The following MTCL1 variants were observed in gnomAD, a reference collection of about 807,000 sequenced individuals.
The protein encoded by MTCL1 is microtubule crosslinking factor 1.
A neutral mutation model predicts 141.4 loss-of-function variants in MTCL1; 79 were observed. The observed-to-expected ratio is 0.56, with a 90% CI of 0.47 to 0.67. The LOEUF is 0.67. MTCL1 is among the 30% of genes least tolerant of loss of function. MTCL1 has a pLI of 0.00. For missense variants in MTCL1, 2,177 were observed against 2,113.9 expected, an observed-to-expected ratio of 1.03 and a Z score of -0.59; for synonymous variants, 914 against 875.8, an observed-to-expected ratio of 1.04 and a Z score of -0.77.
intron 4 of MTCL1, among the ~76,000 whole-genome samples, chr18:8,769,504 A>C (rs2096475723): frequency 6.6e-6 from 1 of 152,222 alleles, no homozygotes; most frequent in Non-Finnish European, 1.5e-5. Context: ...TTTTTCCAAA[A>C]ACTAGGCTTC....
chr18:8,710,888 C>CTTTT (rs71356255), intron 1 of MTCL1, among the ~76,000 whole-genome samples: 34 of 80,920 alleles, frequency 4.2e-4, no homozygotes, highest in Middle Eastern at 9.8e-3. Flanking sequence ...TTTTTTTTTA[C>CTTTT]TTTTTTTTTT....
intron 4 of MTCL1, among the ~76,000 whole-genome samples, chr18:8,758,312 C>T (rs2096412947): frequency 6.6e-6 from 1 of 152,158 alleles, no homozygotes; most frequent in Admixed American, 6.5e-5. Flanking sequence ...CGTAAGCCAC[C>T]ACGCCTGGCC....
rs147547902 is a variant in MTCL1, at chr18:8,760,320, G to C, written c.358-17513G>C. ...CTTCTGAGCCTGTTCCCTCACACAG[G>C]AAATGAGAACAAGAGTCCCCACCTC... On this transcript the variant is annotated intron_variant, in intron 4 of 16. Transcript: ENST00000359865. Among the ~76,000 whole-genome samples the C allele has an allele frequency of 9.2e-5, 14 of 152,338 alleles. No individual in the cohort carries two copies. In the East Asian group the frequency reaches 2.5e-3, roughly 27 times the overall value.
At chr18:8,788,731 C>G (rs760179485) in intron 7 of MTCL1, among the ~76,000 whole-genome samples, 65 of 152,328 alleles carry the variant, frequency 4.3e-4, no homozygotes, top group Non-Finnish European at 7.6e-4. Flanking sequence ...AAGGGGCGGC[C>G]TCTCCAAGGC....
chr18:8,786,301 T>C (rs967251944), intron 7 of MTCL1: 23 of 708,334 alleles, frequency 3.2e-5, no homozygotes, highest in South Asian at 4.5e-5. Flanking sequence ...GCTGTGCTCG[T>C]CAGACAGAGG....
chr18:8,729,230 A>AT (rs1372628658), intron 4 of MTCL1, among the ~76,000 whole-genome samples: 1 of 127,464 alleles, frequency 7.8e-6, no homozygotes, highest in Non-Finnish European at 1.6e-5. Flanking sequence ...TAATTTCCGT[A>AT]TTTTTTGGAG....
At chr18:8,761,974 G>C (rs2096434761) in intron 4 of MTCL1, among the ~76,000 whole-genome samples, 1 of 152,156 alleles carries the variant, frequency 6.6e-6, no homozygotes, top group Non-Finnish European at 1.5e-5. Context: ...ATTTCACTTA[G>C]CATAATGTTT....
At chr18:8,742,570 A>G (rs2096310489) in intron 4 of MTCL1, among the ~76,000 whole-genome samples, 1 of 152,228 alleles carries the variant, frequency 6.6e-6, no homozygotes, top group Non-Finnish European at 1.5e-5. Flanking sequence ...CAAGAATAGT[A>G]TGGAGGAAAC....
intron 4 of MTCL1, among the ~76,000 whole-genome samples, chr18:8,756,501 GTGTGTA>G (rs2096401680): frequency 6.7e-6 from 1 of 148,884 alleles, no homozygotes; most frequent in African/African-American, 2.5e-5. Flanking sequence ...ATGTATATAT[GTGTGTA>G]TATATATGTG....
At chr18:8,736,302 A>G (rs539712915) in intron 4 of MTCL1, among the ~76,000 whole-genome samples, 1 of 151,678 alleles carries the variant, frequency 6.6e-6, no homozygotes, top group South Asian at 2.1e-4. Flanking sequence ...TCCTTGACTT[A>G]TCATGGGGTT....
intron 4 of MTCL1, among the ~76,000 whole-genome samples, chr18:8,736,887 G>A (rs961084463): frequency 2.0e-4 from 31 of 151,982 alleles, no homozygotes; most frequent in African/African-American, 7.0e-4. Flanking sequence ...TGATCTGCCC[G>A]CCACGGCCTC....
At chr18:8,819,256 T>C (rs2076762971) in exon 13 of MTCL1, 1 of 1,613,902 alleles carries the variant, frequency 6.2e-7, no homozygotes, top group Non-Finnish European at 8.5e-7. Flanking sequence ...ACCGCCTCCC[T>C]GAGGTCAGCC....
chr18:8,829,989 G>C, intron 16 of MTCL1: 1 of 985,462 alleles, frequency 1.0e-6, no homozygotes, highest in Non-Finnish European at 1.2e-6. Flanking sequence ...GGCGGAACGG[G>C]ATACGGTGGT....
intron 4 of MTCL1, among the ~76,000 whole-genome samples, chr18:8,768,457 G>A (rs1598570062): frequency 6.6e-6 from 1 of 152,144 alleles, no homozygotes; most frequent in Non-Finnish European, 1.5e-5. Flanking sequence ...CATACTTAAA[G>A]TCAAATCAGA....
intron 4 of MTCL1, among the ~76,000 whole-genome samples, chr18:8,725,194 T>C (rs2096200238): frequency 6.6e-6 from 1 of 152,108 alleles, no homozygotes; most frequent in African/African-American, 2.4e-5. Flanking sequence ...CGGGACTATA[T>C]ACATGTTCTA....
intron 1 of MTCL1, chr18:8,706,933 T>C: frequency 1.4e-6 from 1 of 689,730 alleles, no homozygotes; most frequent in Non-Finnish European, 2.3e-6. Flanking sequence ...CCCACTTCTC[T>C]TTTCTCGCGT....
intron 7 of MTCL1, among the ~76,000 whole-genome samples, chr18:8,792,627 G>A (rs1176018518): frequency 6.6e-6 from 1 of 152,240 alleles, no homozygotes; most frequent in East Asian, 1.9e-4. Flanking sequence ...GGTCATGCTT[G>A]CCTCGGTCAT....
intron 7 of MTCL1, among the ~76,000 whole-genome samples, chr18:8,791,147 G>A (rs1186018941): frequency 1.3e-5 from 2 of 152,194 alleles, no homozygotes; most frequent in African/African-American, 4.8e-5. Flanking sequence ...AACAGGAGAT[G>A]GGGCCTGGGC....
At chr18:8,740,540 T>G (rs1203056614) in intron 4 of MTCL1, among the ~76,000 whole-genome samples, 1 of 152,202 alleles carries the variant, frequency 6.6e-6, no homozygotes, top group Non-Finnish European at 1.5e-5. Context: ...TGGAGTACAA[T>G]GGCACAATCC....
Sources: allele counts gnomAD v4.1 joint callset (sites outside exome capture counted in the v4.1 genomes callset), GRCh38; gene constraint gnomAD v4.1.1; transcripts MANE v1.5; gene names NCBI Gene and HGNC (gene_info 2026-07-23, HGNC 2026-07-21).